Variants in NEGR1 observed in about 807,000 individuals in gnomAD.
The protein encoded by NEGR1 is neuronal growth regulator 1.
In NEGR1, 10 loss-of-function variants were observed where a neutral mutation model predicts 40.9. The ratio of observed to expected loss-of-function variants is 0.24; its 90% CI spans 0.15 to 0.42. NEGR1 has a LOEUF of 0.42. Among genes scored for constraint, NEGR1 ranks in the 10% least tolerant of loss-of-function variants. The pLI is 1.00. For missense variants in NEGR1, 352 were observed against 438.9 expected (o/e 0.80, Z 1.77); for synonymous variants, 185 against 166.8 (o/e 1.11, Z -0.84).
chr1:72,002,881 C>T lies in NEGR1; in HGVS notation c.177-67570G>A, dbSNP rs75402236. The stretch of plus-strand genomic sequence containing the variant: ...ATCGAATGTAAAATGTTGCATGTTT[C>T]TATGCTGACTAAAAATAATTGCCGC... On this transcript the variant is annotated intron_variant, in intron 1 of 6. Coordinates refer to ENST00000357731, the MANE Select transcript of NEGR1 (RefSeq NM_173808.3). Among the ~76,000 whole-genome samples the T allele has an allele frequency of 2.8e-3, 429 of 152,222 alleles. 15 individuals carry two copies. In the East Asian group the frequency reaches 0.077, roughly 27 times the overall value.
At chr1:71,571,787 CAA>C (rs34844215) in intron 6 of NEGR1, among the ~76,000 whole-genome samples, 332 of 106,490 alleles carry the variant, frequency 3.1e-3, no homozygotes, top group East Asian at 7.8e-3. Context: ...GCCCCTGTCT[CAA>C]AAAAAAAAAA....
chr1:72,143,619 CT>C lies in NEGR1; in HGVS notation c.176+138699del, dbSNP rs909426513. ...ATTAATTCATTATTTTTCTGATTAA[CT>C]TTTTTGCAGTTGGTGCATCTCATGA... On this transcript the variant is annotated intron_variant, in intron 1 of 6. Transcript: ENST00000357731. Among the ~76,000 whole-genome samples, 51 of 151,130 alleles carry C rather than the reference CT, an allele frequency of 3.4e-4. 1 individual carries two copies. Among genetic ancestry groups the C allele is most frequent in the African/African-American group, 1.1e-3 (45 of 41,342 alleles).
chr1:71,899,419 G>A (rs1253234334), intron 2 of NEGR1, among the ~76,000 whole-genome samples: 1 of 151,966 alleles, frequency 6.6e-6, no homozygotes, highest in Non-Finnish European at 1.5e-5. Context: ...GAAGGTTGGG[G>A]GAAAAAGTTA....
At chr1:72,021,729 A>T (rs1266385977) in intron 1 of NEGR1, among the ~76,000 whole-genome samples, 1 of 152,224 alleles carries the variant, frequency 6.6e-6, no homozygotes, top group South Asian at 2.1e-4. Flanking sequence ...TAACTATTAA[A>T]TAAATAATTA....
At chr1:71,527,118 T>C (rs1258907388) in intron 6 of NEGR1, among the ~76,000 whole-genome samples, 1 of 151,528 alleles carries the variant, frequency 6.6e-6, no homozygotes, top group Non-Finnish European at 1.5e-5. Flanking sequence ...ATAGCACATA[T>C]TGTATTACAT....
chr1:72,036,359 A>G (rs1217738910), intron 1 of NEGR1, among the ~76,000 whole-genome samples: 1 of 152,108 alleles, frequency 6.6e-6, no homozygotes, highest in Admixed American at 6.6e-5. Flanking sequence ...CAAAGGTACA[A>G]TTAAAAGCCA....
intron 4 of NEGR1, among the ~76,000 whole-genome samples, chr1:71,614,169 A>T (rs1357107390): frequency 1.9e-5 from 1 of 52,572 alleles, no homozygotes; most frequent in African/African-American, 7.1e-5. Context: ...TGGTGAAAAA[A>T]ATGAAATAAT....
intron 1 of NEGR1, among the ~76,000 whole-genome samples, chr1:72,234,298 C>A (rs1654477547): frequency 6.6e-6 from 1 of 152,064 alleles, no homozygotes; most frequent in Non-Finnish European, 1.5e-5. Flanking sequence ...ATCCATGTTC[C>A]TGCAAAGGAT....
intron 2 of NEGR1, among the ~76,000 whole-genome samples, chr1:71,826,184 C>T (rs1342351801): frequency 1.3e-5 from 2 of 151,918 alleles, no homozygotes; most frequent in East Asian, 2.0e-4. Context: ...TTTTCTTTTC[C>T]GTTCCCTGTA....
intron 1 of NEGR1, among the ~76,000 whole-genome samples, chr1:72,155,814 A>C (rs1448912183): frequency 1.3e-5 from 2 of 152,124 alleles, no homozygotes; most frequent in Admixed American, 6.6e-5. Context: ...ATGTGATCAT[A>C]AAGGCAATGT....
intron 2 of NEGR1, among the ~76,000 whole-genome samples, chr1:71,901,171 A>T (rs1222163768): frequency 6.6e-6 from 1 of 152,208 alleles, no homozygotes; most frequent in Non-Finnish European, 1.5e-5. Context: ...GCATGATTAA[A>T]GTATGATAAT....
At chr1:72,247,523 G>A (rs1161380615) in intron 1 of NEGR1, among the ~76,000 whole-genome samples, 1 of 152,170 alleles carries the variant, frequency 6.6e-6, no homozygotes, top group Non-Finnish European at 1.5e-5. Flanking sequence ...GGGGCACAGT[G>A]CAGCCAAGTT....
At chr1:72,080,335 C>A (rs141105369) in intron 1 of NEGR1, among the ~76,000 whole-genome samples, 17 of 152,006 alleles carry the variant, frequency 1.1e-4, no homozygotes, top group African/African-American at 3.6e-4. Flanking sequence ...CTTACTGAGA[C>A]AAAAGTCTCA....
At chr1:71,706,517 G>A (rs1037195968) in intron 3 of NEGR1, among the ~76,000 whole-genome samples, 2 of 148,166 alleles carry the variant, frequency 1.3e-5, no homozygotes, top group Non-Finnish European at 3.0e-5. Context: ...CCAAGAGAAT[G>A]CTGGCATCCC....
At chr1:71,586,301 A>G (rs1015644735) in intron 6 of NEGR1, among the ~76,000 whole-genome samples, 6 of 152,170 alleles carry the variant, frequency 3.9e-5, no homozygotes, top group Non-Finnish European at 7.4e-5. Context: ...AGAAGTTTTC[A>G]AAACAAATTA....
At chr1:72,270,272 G>A (rs1345616908) in intron 1 of NEGR1, among the ~76,000 whole-genome samples, 2 of 151,828 alleles carry the variant, frequency 1.3e-5, no homozygotes, top group Non-Finnish European at 2.9e-5. Flanking sequence ...TCTTGATGAT[G>A]GCTCCATCAT....
At chr1:71,875,726 G>A (rs1660408484) in intron 2 of NEGR1, among the ~76,000 whole-genome samples, 1 of 152,112 alleles carries the variant, frequency 6.6e-6, no homozygotes, top group African/African-American at 2.4e-5. Flanking sequence ...TATTTCAGAG[G>A]TCCTGCTTAA....
At chr1:71,774,022 C>T (rs1483508358) in intron 3 of NEGR1, among the ~76,000 whole-genome samples, 1 of 152,050 alleles carries the variant, frequency 6.6e-6, no homozygotes, top group East Asian at 1.9e-4. Context: ...AATTATATTA[C>T]CATATCAGAT....
At chr1:72,202,486 G>T (rs1226174971) in intron 1 of NEGR1, among the ~76,000 whole-genome samples, 3 of 151,978 alleles carry the variant, frequency 2.0e-5, no homozygotes, top group Non-Finnish European at 4.4e-5. Flanking sequence ...AGTTGTAATA[G>T]AAAGGATAAA....
Sources: allele counts gnomAD v4.1 joint callset (sites outside exome capture counted in the v4.1 genomes callset), GRCh38; gene constraint gnomAD v4.1.1; transcripts MANE v1.5; gene names NCBI Gene and HGNC (gene_info 2026-07-23, HGNC 2026-07-21).